BMPR1A: variants seen among roughly 807,000 people sequenced by gnomAD.
BMPR1A encodes bone morphogenetic protein receptor type-1A.
A neutral mutation model predicts 66.0 loss-of-function variants in BMPR1A; 7 were observed. The ratio of observed to expected loss-of-function variants is 0.11; its 90% confidence interval spans 0.06 to 0.20. The LOEUF (loss-of-function observed/expected upper bound fraction) is 0.20, where lower values mean the gene tolerates loss of function less well. Ranked by LOEUF, BMPR1A falls within the 10% of genes least tolerant of loss-of-function variation. BMPR1A has a pLI of 1.00. For missense variants in BMPR1A, 408 were observed against 669.1 expected (o/e 0.61, Z 4.31); for synonymous variants, 200 against 229.7 (o/e 0.87, Z 1.17).
chr10:86,844,195 A>G (rs146065621), intron 2 of BMPR1A, among the ~76,000 whole-genome samples: 2 of 152,342 alleles, frequency 1.3e-5, no homozygotes, highest in East Asian at 3.9e-4. Flanking sequence ...GCCTTAACAT[A>G]TTCAAAGGGA....
At chr10:86,769,832 A>G (rs1038275635) in intron 1 of BMPR1A, among the ~76,000 whole-genome samples, 1 of 152,222 alleles carries the variant, frequency 6.6e-6, no homozygotes, top group Non-Finnish European at 1.5e-5. Flanking sequence ...AGGCTGGTTT[A>G]TCTGTACCTA....
intron 5 of BMPR1A, among the ~76,000 whole-genome samples, chr10:86,898,483 T>C (rs1205213324): frequency 6.6e-6 from 1 of 152,150 alleles, no homozygotes; most frequent in African/African-American, 2.4e-5. Context: ...TAAGATCTCT[T>C]CGTACATTTG....
intron 2 of BMPR1A, among the ~76,000 whole-genome samples, chr10:86,857,004 C>T (rs1289373380): frequency 6.6e-6 from 1 of 152,208 alleles, no homozygotes; most frequent in Non-Finnish European, 1.5e-5. Flanking sequence ...CTCTCTTCTC[C>T]TGGGATCAGG....
chr10:86,826,040 CAG>C (rs1458586125), intron 1 of BMPR1A, among the ~76,000 whole-genome samples: 2 of 152,182 alleles, frequency 1.3e-5, no homozygotes, highest in Non-Finnish European at 2.9e-5. Flanking sequence ...TTCACTAACT[CAG>C]TGGCTCACTT....
At position 86,855,724 on chromosome 10, in the gene BMPR1A, A is replaced by C. The variant is rs760497910; in HGVS notation, c.-153+16745A>C. On this transcript the variant is annotated intron_variant, in intron 2 of 12. Transcript: ENST00000372037. Reference sequence around the variant, plus strand: ...CTGTCTGTTCTTTGTGTTTGGCATTAGCTTTGAGACCAGCTTTCTTTTTCA... The same window carrying C: ...CTGTCTGTTCTTTGTGTTTGGCATTCGCTTTGAGACCAGCTTTCTTTTTCA... The C allele has an allele frequency of 6.3e-4, 522 of 824,148 alleles. 1 individual carries two copies. The highest frequency in any genetic ancestry group is 7.8e-4 in the Admixed American group (33 of 42,576). 51.1% of individuals were successfully genotyped at this position (824,148 alleles called of 1,614,324 possible).
Position 86,891,500 on chromosome 10 carries a change from C to T in BMPR1A, c.231-627C>T, listed in dbSNP as rs74489968. ...AGAAAAAGCTTTTAGAAATTTCTCC[C>T]ATACCTGTTAAAGTCTATATGAATA... On this transcript the variant is annotated intron_variant, in intron 4 of 12. Transcript: ENST00000372037. 3.9e-4 allele frequency among the ~76,000 whole-genome samples: 60 copies of T among 152,202 alleles called. No individual in the cohort carries two copies. In the East Asian group the frequency reaches 0.011, roughly 28 times the overall value.
Position 86,769,930 on chromosome 10 carries a change from A to T in BMPR1A, c.-268+13011A>T, listed in dbSNP as rs547166849. Among the ~76,000 whole-genome samples the T allele has an allele frequency of 2.0e-5, 3 of 152,248 alleles. No homozygotes were observed. The South Asian group carries it at 6.2e-4, about 32-fold the overall frequency. On this transcript the variant is annotated intron_variant, in intron 1 of 12. Transcript: ENST00000372037. The stretch of plus-strand genomic sequence containing the variant: ...CTTTTAGTTCAGGTGGGTAATGCAG[A>T]TGTAACCAGGCACCAGCCTTCTTGC...
chr10:86,772,332 G>A (rs1219111655), intron 1 of BMPR1A, among the ~76,000 whole-genome samples: 1 of 151,678 alleles, frequency 6.6e-6, no homozygotes, highest in African/African-American at 2.4e-5. Context: ...GGGTTTCACC[G>A]TGTTAGCCAG....
In BMPR1A at chr10:86,925,228, T is replaced by C. The variant is rs1166973705; in HGVS notation, c.*1509T>C. ...AAGAAATCTGATTTACATAAACTTATACTTCTTTAATGCTTTTTAAATATT... is the reference window on the plus strand; with the variant it reads ...AAGAAATCTGATTTACATAAACTTACACTTCTTTAATGCTTTTTAAATATT... On this transcript the variant is annotated 3_prime_UTR_variant, in exon 13 of 13. Transcript: ENST00000372037. The C allele has an allele frequency of 4.4e-6, 1 of 228,164 alleles. No homozygotes were observed. Among genetic ancestry groups the C allele is most frequent in the East Asian group, 6.4e-5 (1 of 15,640 alleles). 14.1% of individuals were successfully genotyped at this position (228,164 alleles called of 1,614,324 possible).
At position 86,891,797 on chromosome 10, in the gene BMPR1A, T is replaced by C. The variant is rs1843153595; in HGVS notation, c.231-330T>C. 2.6e-5 allele frequency among the ~76,000 whole-genome samples: 4 copies of C among 152,218 alleles called. No homozygotes were observed. The South Asian group carries it at 8.3e-4, about 31-fold the overall frequency. ...TATTTTAAAGTATGTTTTCAAAACATGACATAAAATTTTATAAATCAGCTT... is the reference window on the plus strand; with the variant it reads ...TATTTTAAAGTATGTTTTCAAAACACGACATAAAATTTTATAAATCAGCTT... On this transcript the variant is annotated intron_variant, in intron 4 of 12. Coordinates refer to ENST00000372037, the MANE Select transcript of BMPR1A (RefSeq NM_004329.3).
intron 1 of BMPR1A, among the ~76,000 whole-genome samples, chr10:86,795,416 GT>G (rs10536775): frequency 0.38 from 56,167 of 149,578 alleles, 10,984 homozygotes; most frequent in East Asian, 0.73. Flanking sequence ...AAAGTGATTT[GT>G]TTTTTTTTTT....
At chr10:86,762,137 G>C (rs1354470380) in intron 1 of BMPR1A, among the ~76,000 whole-genome samples, 1 of 152,142 alleles carries the variant, frequency 6.6e-6, no homozygotes, top group Non-Finnish European at 1.5e-5. Context: ...GATATTGAAA[G>C]GTCTAGAAAT....
chr10:86,898,261 CATAT>C (rs1022914164), intron 5 of BMPR1A, among the ~76,000 whole-genome samples: 1 of 145,262 alleles, frequency 6.9e-6, no homozygotes, highest in Non-Finnish European at 1.5e-5. Flanking sequence ...ATATATATAA[CATAT>C]ATATAAACAT....
chr10:86,830,989 T>C (rs1051338949), intron 1 of BMPR1A, among the ~76,000 whole-genome samples: 3 of 152,244 alleles, frequency 2.0e-5, no homozygotes, highest in African/African-American at 7.2e-5. Context: ...GAATCATATG[T>C]CTGGCTTCTT....
Position 86,784,462 on chromosome 10 carries a change from C to T in BMPR1A, c.-268+27543C>T, listed in dbSNP as rs529534424. Among the ~76,000 whole-genome samples, 8 of 152,198 alleles carry T rather than the reference C, an allele frequency of 5.3e-5. No individual in the cohort carries two copies. In the South Asian group the frequency reaches 1.0e-3, roughly 20 times the overall value. ...CTAGGAATAAGGCTCCCTCAGTCATCGTGTATGATTTTAATATGCCTTTGA... is the reference window on the plus strand; with the variant it reads ...CTAGGAATAAGGCTCCCTCAGTCATTGTGTATGATTTTAATATGCCTTTGA... On this transcript the variant is annotated intron_variant, in intron 1 of 12. Coordinates refer to ENST00000372037, the MANE Select transcript of BMPR1A (RefSeq NM_004329.3).
intron 7 of BMPR1A, among the ~76,000 whole-genome samples, chr10:86,911,322 G>A (rs1843480824): frequency 1.3e-5 from 2 of 152,140 alleles, no homozygotes; most frequent in Non-Finnish European, 2.9e-5. Flanking sequence ...AGAATGCTGT[G>A]ATAATCATGG....
chr10:86,795,627 T>C (rs558676613), intron 1 of BMPR1A, among the ~76,000 whole-genome samples: 1 of 152,186 alleles, frequency 6.6e-6, no homozygotes, highest in East Asian at 1.9e-4. Context: ...TTTGCCACTA[T>C]GTCTTCAACC....
At chr10:86,848,648 A>G (rs1842520525) in intron 2 of BMPR1A, among the ~76,000 whole-genome samples, 1 of 152,140 alleles carries the variant, frequency 6.6e-6, no homozygotes, top group African/African-American at 2.4e-5. Context: ...TCGGTTACAC[A>G]TAATATTCTT....
At chr10:86,893,518 G>A (rs1231862469) in intron 5 of BMPR1A, among the ~76,000 whole-genome samples, 3 of 152,078 alleles carry the variant, frequency 2.0e-5, no homozygotes, top group Admixed American at 1.3e-4. Flanking sequence ...GGCCGGGCGC[G>A]GTGGCTCACG....
Sources: gnomAD v4.1 joint callset for allele counts (sites outside exome capture counted in the v4.1 genomes callset) on GRCh38, gnomAD v4.1.1 for gene constraint, MANE v1.5 for transcripts, NCBI Gene and HGNC (gene_info 2026-07-23, HGNC 2026-07-21) for gene names.